The following KCNMA1 variants were observed in gnomAD, a reference collection of about 807,000 sequenced individuals.
KCNMA1 encodes the protein potassium calcium-activated channel subfamily M alpha 1, also known as Calcium-activated potassium channel subunit alpha-1.
Under a neutral mutation model 140.0 loss-of-function variants are expected in KCNMA1, and 29 were observed. The ratio of observed to expected loss-of-function variants is 0.21; its 90% CI spans 0.15 to 0.28. The LOEUF (loss-of-function observed/expected upper bound fraction) is 0.28, where lower values mean the gene tolerates loss of function less well. Ranked by LOEUF, KCNMA1 falls within the 10% of genes least tolerant of loss-of-function variation. The pLI, the probability that KCNMA1 is intolerant of heterozygous loss-of-function variation, is 1.00. For synonymous variants in KCNMA1, 612 were observed against 611.9 expected (o/e 1.00, Z 0.00); for missense variants, 880 against 1,602.2 (o/e 0.55, Z 7.70).
At chr10:76,949,058 A>G (rs1448157364) in intron 22 of KCNMA1, 84 bp downstream of exon 22, 1 of 1,102,616 alleles carries the variant, frequency 9.1e-7, no homozygotes, top group East Asian at 2.3e-5. Context: ...GGCATGATCA[A>G]AGCTACAACT....
rs2096785372 is a variant in KCNMA1, at chr10:77,090,387, A to G, written c.1334+13T>C. 6.5e-7 allele frequency: 1 copy of G among 1,549,248 alleles called. No individual in the cohort carries two copies. Among genetic ancestry groups the G allele is most frequent in the Non-Finnish European group, 8.9e-7 (1 of 1,120,844 alleles). On this transcript the variant is annotated intron_variant, in intron 10 of 27. Transcript: ENST00000286628. ...GTTGGGCAGAGGGTCTGACAGCAGTAGGAAGCTCTTACTTGTGAAGAAAAA... is the reference window on the plus strand; with the variant it reads ...GTTGGGCAGAGGGTCTGACAGCAGTGGGAAGCTCTTACTTGTGAAGAAAAA...
chr10:77,252,774 T>A (rs1041930259), intron 2 of KCNMA1, among the ~76,000 whole-genome samples: 17 of 152,152 alleles, frequency 1.1e-4, no homozygotes, highest in African/African-American at 4.1e-4. Flanking sequence ...TAAAAACAAT[T>A]GGACACTGTA....
intron 1 of KCNMA1, among the ~76,000 whole-genome samples, chr10:77,429,050 T>C (rs1043251953): frequency 6.6e-6 from 1 of 152,150 alleles, no homozygotes; most frequent in Non-Finnish European, 1.5e-5. Flanking sequence ...AATGAATATA[T>C]AGATATATAG....
intron 14 of KCNMA1, among the ~76,000 whole-genome samples, chr10:77,060,509 A>T (rs1352025756): frequency 6.6e-6 from 1 of 152,192 alleles, no homozygotes; most frequent in Non-Finnish European, 1.5e-5. Flanking sequence ...TCACAGATCC[A>T]AAAATGGAGA....
intron 2 of KCNMA1, among the ~76,000 whole-genome samples, chr10:77,330,691 A>G (rs1473687367): frequency 6.6e-6 from 1 of 152,162 alleles, no homozygotes; most frequent in Non-Finnish European, 1.5e-5. Flanking sequence ...TCACACAGCT[A>G]TCAGTGAATG....
At chr10:77,513,097 C>A (rs1205200575) in intron 1 of KCNMA1, among the ~76,000 whole-genome samples, 1 of 152,084 alleles carries the variant, frequency 6.6e-6, no homozygotes, top group Non-Finnish European at 1.5e-5. Flanking sequence ...GAAAAACGGC[C>A]CCTGCCAGCC....
intron 14 of KCNMA1, among the ~76,000 whole-genome samples, chr10:77,042,472 C>T (rs1167229721): frequency 6.6e-6 from 1 of 152,160 alleles, no homozygotes. Flanking sequence ...TCACTAATTA[C>T]AAATCCCCAT....
intron 1 of KCNMA1, among the ~76,000 whole-genome samples, chr10:77,532,825 C>T (rs2057999627): frequency 6.6e-6 from 1 of 152,120 alleles, no homozygotes; most frequent in Admixed American, 6.5e-5. Context: ...GTGAAAAAAT[C>T]CAGATTTGCC....
At chr10:77,101,014 C>T (rs1161353233) in intron 9 of KCNMA1, among the ~76,000 whole-genome samples, 2 of 151,728 alleles carry the variant, frequency 1.3e-5, no homozygotes, top group Non-Finnish European at 2.9e-5. Flanking sequence ...AGAGTGACAG[C>T]AGGAAAGGAG....
At chr10:76,898,487 T>A (rs75335643) in intron 25 of KCNMA1, among the ~76,000 whole-genome samples, 1 of 151,776 alleles carries the variant, frequency 6.6e-6, no homozygotes, top group East Asian at 1.9e-4. Context: ...TTAGTGTATT[T>A]TTACTAAACT....
chr10:77,398,196 T>C (rs542095158), intron 2 of KCNMA1, among the ~76,000 whole-genome samples: 4 of 152,222 alleles, frequency 2.6e-5, no homozygotes, highest in Non-Finnish European at 4.4e-5. Flanking sequence ...TCTTATATAA[T>C]GATTTCTTTT....
At chr10:76,917,834 T>C (rs1464765144) in intron 23 of KCNMA1, among the ~76,000 whole-genome samples, 2 of 152,226 alleles carry the variant, frequency 1.3e-5, no homozygotes, top group African/African-American at 4.8e-5. Flanking sequence ...TTTATTAGCA[T>C]TGTTTCTTTC....
At chr10:77,470,695 C>T (rs149410507) in intron 1 of KCNMA1, among the ~76,000 whole-genome samples, 1 of 152,172 alleles carries the variant, frequency 6.6e-6, no homozygotes, top group Non-Finnish European at 1.5e-5. Context: ...ATTTTTAAAG[C>T]CTGTGTGCAG....
chr10:76,948,223 C>G (rs963848210), intron 22 of KCNMA1, among the ~76,000 whole-genome samples: 5 of 152,134 alleles, frequency 3.3e-5, no homozygotes, highest in African/African-American at 4.8e-5. Context: ...CCAGGCTGCT[C>G]ATGAACTCCT....
rs1039203785 is a variant in KCNMA1, at chr10:77,378,105, T to C, written c.540+25757A>G. On this transcript the variant is annotated intron_variant, in intron 2 of 27. Transcript: ENST00000286628. ...TATACACTGAGAGAGTAAGCCATAG[T>C]TCTGAAAATGCTCTGTGTGCTCATT... is the stretch of plus-strand genomic sequence containing the variant. Among the ~76,000 whole-genome samples, 6 of 152,162 alleles carry C rather than the reference T, an allele frequency of 3.9e-5. No individual in the cohort carries two copies. In the South Asian group the frequency reaches 1.2e-3, roughly 32 times the overall value.
intron 2 of KCNMA1, among the ~76,000 whole-genome samples, chr10:77,311,153 A>G (rs1295777342): frequency 6.6e-6 from 1 of 152,224 alleles, no homozygotes; most frequent in Non-Finnish European, 1.5e-5. Flanking sequence ...AAATTGGTTT[A>G]AAAAAGCAAG....
At chr10:77,056,667 T>C (rs1437948828) in intron 14 of KCNMA1, among the ~76,000 whole-genome samples, 2 of 152,112 alleles carry the variant, frequency 1.3e-5, no homozygotes, top group African/African-American at 4.8e-5. Flanking sequence ...TATTTCCCGA[T>C]AACTAAGAAA....
chr10:77,612,556 G>A (rs1473928190), intron 1 of KCNMA1, among the ~76,000 whole-genome samples: 1 of 152,182 alleles, frequency 6.6e-6, no homozygotes, highest in Non-Finnish European at 1.5e-5. Context: ...TCTGCCTGAA[G>A]ACCACATGCA....
At chr10:77,373,424 C>T (rs1487509356) in intron 2 of KCNMA1, among the ~76,000 whole-genome samples, 1 of 152,154 alleles carries the variant, frequency 6.6e-6, no homozygotes, top group Non-Finnish European at 1.5e-5. Flanking sequence ...GATTTTAAGC[C>T]TGAATCTTAA....
Sources: allele counts gnomAD v4.1 joint callset (sites outside exome capture counted in the v4.1 genomes callset), GRCh38; gene constraint gnomAD v4.1.1; transcripts MANE v1.5; gene names NCBI Gene and HGNC (gene_info 2026-07-23, HGNC 2026-07-21).